The following MAGI1 variants were observed in gnomAD, a reference collection of about 807,000 sequenced individuals.
The protein encoded by MAGI1 is membrane associated guanylate kinase, WW and PDZ domain containing 1, also known as membrane-associated guanylate kinase, WW and PDZ domain-containing protein 1.
MAGI1 carries 58 observed loss-of-function variants against 139.9 expected under a neutral mutation model. The observed-to-expected ratio is 0.41, with a 90% CI of 0.34 to 0.52. The LOEUF is 0.52. MAGI1 is among the 20% of genes least tolerant of loss of function. MAGI1 has a pLI of 0.12. For synonymous variants in MAGI1, 812 were observed against 737.9 expected (o/e 1.10, Z -1.63); for missense variants, 1,874 against 1,901.6 (o/e 0.99, Z 0.27).
chr3:65,984,665 A>G (rs2065783137), intron 1 of MAGI1, among the ~76,000 whole-genome samples: 1 of 148,576 alleles, frequency 6.7e-6, no homozygotes, highest in African/African-American at 2.5e-5. Context: ...TCTCGGGAGT[A>G]GCTGGGACCA....
At chr3:65,359,619 A>G (rs966923582) in intron 22 of MAGI1, 2 of 995,566 alleles carry the variant, frequency 2.0e-6, no homozygotes, top group African/African-American at 3.5e-5. Flanking sequence ...AAAATATTGG[A>G]ACTTAACATA....
intron 1 of MAGI1, among the ~76,000 whole-genome samples, chr3:65,681,470 T>G (rs538764925): frequency 2.1e-4 from 32 of 152,314 alleles, no homozygotes; most frequent in African/African-American, 7.0e-4. Context: ...CACCCAAACA[T>G]TTTTAAGAAA....
At chr3:65,747,434 C>A (rs2035798555) in intron 1 of MAGI1, among the ~76,000 whole-genome samples, 1 of 152,292 alleles carries the variant, frequency 6.6e-6, no homozygotes, top group Admixed American at 6.5e-5. Flanking sequence ...CCACTCTTCT[C>A]ACTAAATATT....
intron 1 of MAGI1, among the ~76,000 whole-genome samples, chr3:65,666,799 T>A (rs1354127142): frequency 6.6e-6 from 1 of 152,198 alleles, no homozygotes; most frequent in Non-Finnish European, 1.5e-5. Flanking sequence ...AGTGCAAGGA[T>A]TCATCACAGA....
At chr3:65,408,259 G>C (rs757726997) in intron 12 of MAGI1, among the ~76,000 whole-genome samples, 1 of 152,162 alleles carries the variant, frequency 6.6e-6, no homozygotes, top group Non-Finnish European at 1.5e-5. Flanking sequence ...GGGCCAATGG[G>C]AAGGATCAAA....
chr3:65,475,716 T>C (rs1950855501), intron 4 of MAGI1, among the ~76,000 whole-genome samples: 1 of 152,020 alleles, frequency 6.6e-6, no homozygotes, highest in Non-Finnish European at 1.5e-5. Flanking sequence ...GTCAGTTCCA[T>C]GGTGAGCATC....
chr3:65,928,017 C>A (rs2062606560), intron 1 of MAGI1, among the ~76,000 whole-genome samples: 1 of 152,186 alleles, frequency 6.6e-6, no homozygotes, highest in Admixed American at 6.5e-5. Flanking sequence ...TATACATAAT[C>A]CCCCTCACTC....
At chr3:65,856,756 C>A (rs1012481118) in intron 1 of MAGI1, among the ~76,000 whole-genome samples, 8 of 152,184 alleles carry the variant, frequency 5.3e-5, no homozygotes, top group African/African-American at 1.9e-4. Flanking sequence ...AAGTTGGGAG[C>A]TGATGGTCTT....
At chr3:65,662,781 A>G (rs920736386) in intron 1 of MAGI1, among the ~76,000 whole-genome samples, 3 of 152,186 alleles carry the variant, frequency 2.0e-5, no homozygotes, top group African/African-American at 7.2e-5. Flanking sequence ...TCCTCATACT[A>G]TACATTAGAT....
At chr3:65,915,457 C>G (rs1270360586) in intron 1 of MAGI1, among the ~76,000 whole-genome samples, 1 of 152,202 alleles carries the variant, frequency 6.6e-6, no homozygotes, top group Non-Finnish European at 1.5e-5. Flanking sequence ...ATGATCTGCA[C>G]ACTTGCCCCT....
chr3:65,519,244 C>CAGAG (rs2078037872), intron 2 of MAGI1, among the ~76,000 whole-genome samples: 1 of 151,920 alleles, frequency 6.6e-6, no homozygotes, highest in African/African-American at 2.4e-5. Context: ...CTTGACAACA[C>CAGAG]AGAGAGATAG....
chr3:65,445,177 A>ATTT (rs1201158522), intron 7 of MAGI1, among the ~76,000 whole-genome samples: 13 of 152,228 alleles, frequency 8.5e-5, no homozygotes, highest in Non-Finnish European at 1.8e-4. Flanking sequence ...TTGCCCAGAT[A>ATTT]TAAGATTGAG....
intron 2 of MAGI1, among the ~76,000 whole-genome samples, chr3:65,528,594 G>C (rs2078495445): frequency 1.3e-5 from 2 of 152,146 alleles, no homozygotes; most frequent in South Asian, 2.1e-4. Context: ...CTATCACAAA[G>C]GGCTGTTGTG....
At chr3:65,502,336 G>A (rs1402018925) in intron 2 of MAGI1, among the ~76,000 whole-genome samples, 1 of 152,198 alleles carries the variant, frequency 6.6e-6, no homozygotes, top group African/African-American at 2.4e-5. Context: ...AAAGGGGATT[G>A]ACAAACATTA....
chr3:65,540,741 G>A (rs1214505665), intron 2 of MAGI1, among the ~76,000 whole-genome samples: 2 of 152,144 alleles, frequency 1.3e-5, no homozygotes, highest in Admixed American at 1.3e-4. Context: ...TACACACTGG[G>A]TTGCATCCTC....
At position 65,670,723 on chromosome 3, in the gene MAGI1, C is replaced by T. The variant is rs139697566; in HGVS notation, c.314-48635G>A. ...CACTGTTCATCTCTTCCCCGGGAACCTCAGTGGTCTCCATAGTTAATGCAG... is the reference window on the plus strand; with the variant it reads ...CACTGTTCATCTCTTCCCCGGGAACTTCAGTGGTCTCCATAGTTAATGCAG... On this transcript the variant is annotated intron_variant, in intron 1 of 22. Coordinates refer to ENST00000402939, the MANE Select transcript of MAGI1 (RefSeq NM_001033057.2). 3.6e-3 allele frequency among the ~76,000 whole-genome samples: 551 copies of T among 152,208 alleles called. 7 individuals are homozygous for T. Among genetic ancestry groups the T allele is most frequent in the African/African-American group, 0.012 (513 of 41,532 alleles).
intron 1 of MAGI1, among the ~76,000 whole-genome samples, chr3:65,634,919 A>G (rs1315182757): frequency 6.6e-6 from 1 of 152,128 alleles, no homozygotes; most frequent in Non-Finnish European, 1.5e-5. Context: ...TGTACCCTAA[A>G]CTCAGATAAC....
At chr3:65,922,136 T>C (rs918489097) in intron 1 of MAGI1, among the ~76,000 whole-genome samples, 5 of 152,096 alleles carry the variant, frequency 3.3e-5, no homozygotes, top group Non-Finnish European at 7.3e-5. Flanking sequence ...AGTTCCCTTT[T>C]ACAGAAACAG....
At chr3:65,607,851 T>C (rs2082831063) in intron 2 of MAGI1, among the ~76,000 whole-genome samples, 1 of 152,162 alleles carries the variant, frequency 6.6e-6, no homozygotes, top group African/African-American at 2.4e-5. Flanking sequence ...TCTTTCCTTT[T>C]GTACTACAAC....
Sources: allele counts gnomAD v4.1 joint callset (sites outside exome capture counted in the v4.1 genomes callset), GRCh38; gene constraint gnomAD v4.1.1; transcripts MANE v1.5; gene names NCBI Gene and HGNC (gene_info 2026-07-23, HGNC 2026-07-21).